Variants in MYOF observed in about 807,000 individuals in gnomAD.
The protein encoded by MYOF is fer-1-like 3, myoferlin.
Under a neutral mutation model 284.2 loss-of-function variants are expected in MYOF, and 244 were observed. The ratio of observed to expected loss-of-function variants is 0.86; its 90% CI spans 0.77 to 0.95. The LOEUF (loss-of-function observed/expected upper bound fraction) is 0.95. Among genes scored for constraint, MYOF ranks in the 40% least tolerant of loss-of-function variants. The pLI, the probability that MYOF is intolerant of heterozygous loss-of-function variation, is 0.00. For synonymous variants in MYOF, 904 were observed against 919.7 expected, an observed-to-expected ratio of 0.98 and a Z score of 0.31; for missense variants, 2,496 against 2,560.6, an observed-to-expected ratio of 0.97 and a Z score of 0.54.
chr10:93,441,997 A>AACACAC (rs34488205), intron 3 of MYOF, among the ~76,000 whole-genome samples: 10,912 of 132,886 alleles, frequency 0.082, 572 homozygotes, highest in African/African-American at 0.13. Flanking sequence ...CCTCAACCTG[A>AACACAC]ACACACACAC....
In MYOF at chr10:93,337,326, C is replaced by T. The variant is rs114957131; in HGVS notation, c.4437+489G>A. ...AACAGAAAGCTCAGAGCTAGTCAGCCGTGCCTAGCTCAGTCGCTTGTCTTC... is the reference window on the plus strand; with the variant it reads ...AACAGAAAGCTCAGAGCTAGTCAGCTGTGCCTAGCTCAGTCGCTTGTCTTC... On this transcript the variant is annotated intron_variant, in intron 40 of 53. Transcript: ENST00000359263. 7.7e-3 allele frequency among the ~76,000 whole-genome samples: 1,165 copies of T among 152,000 alleles called. 15 individuals carry two copies. Among genetic ancestry groups the T allele is most frequent in the African/African-American group, 0.027 (1,110 of 41,450 alleles).
rs747505668 is a variant in MYOF at position 93,387,850 on chromosome 10, G to T, written c.1645C>A (p.Pro549Thr). ...VELATFLEKT[P>T]PDKKLEPISN... ...ATGGGCTCAAGCTTTTTATCTGGTG[G>T]TGTCTTCTCAAGAAAAGTGGCTAAT... Residue 549 changes from proline (P) to threonine (T), a missense_variant, in exon 19 of 54, where the codon CCA becomes ACA. Transcript: ENST00000359263. 1.1e-5 allele frequency: 18 copies of T among 1,614,082 alleles called. No individual in the cohort carries two copies. Among genetic ancestry groups the T allele is most frequent in the Non-Finnish European group, 1.5e-5 (18 of 1,180,016 alleles).
chr10:93,439,023 C>A (rs1313059392), intron 3 of MYOF, among the ~76,000 whole-genome samples: 2 of 152,184 alleles, frequency 1.3e-5, no homozygotes, highest in East Asian at 3.8e-4. Flanking sequence ...GCACAAGTCT[C>A]GCCTCTACTT....
chr10:93,428,653 C>T (rs1848704242), intron 4 of MYOF, among the ~76,000 whole-genome samples: 1 of 151,718 alleles, frequency 6.6e-6, no homozygotes, highest in South Asian at 2.1e-4. Flanking sequence ...TCAGTGAATA[C>T]TCCCTCATAT....
intron 21 of MYOF, among the ~76,000 whole-genome samples, chr10:93,377,863 T>C (rs968785931): frequency 7.2e-5 from 11 of 152,300 alleles, no homozygotes; most frequent in African/African-American, 2.6e-4. Flanking sequence ...GTTAGAGACA[T>C]AGAAATACAG....
At chr10:93,310,666 A>T in intron 51 of MYOF, 23 bp from the exon 52 acceptor site, 1 of 1,603,572 alleles carries the variant, frequency 6.2e-7, no homozygotes, top group Non-Finnish European at 8.5e-7. Flanking sequence ...AGAGCAGGTT[A>T]AACATATGAC....
chr10:93,346,570 CTATT>C (rs1844192674), intron 37 of MYOF, among the ~76,000 whole-genome samples: 1 of 152,214 alleles, frequency 6.6e-6, no homozygotes. Context: ...GTATCACTAG[CTATT>C]ATTTATTATG....
intron 1 of MYOF, among the ~76,000 whole-genome samples, chr10:93,457,850 G>A (rs79947206): frequency 0.091 from 13,600 of 149,372 alleles, 714 homozygotes; most frequent in East Asian, 0.25. Flanking sequence ...CTCCCACCTC[G>A]GCGCCCCATG....
At chr10:93,379,343 A>G (rs1181217364) in intron 21 of MYOF, among the ~76,000 whole-genome samples, 1 of 151,890 alleles carries the variant, frequency 6.6e-6, no homozygotes, top group Non-Finnish European at 1.5e-5. Flanking sequence ...TTCCTGTTCC[A>G]CCCCACTCCT....
In MYOF at chr10:93,327,469, C is replaced by T. The variant is rs192670563; in HGVS notation, c.5131+1294G>A. Among the ~76,000 whole-genome samples, 292 of 152,174 alleles carry T rather than the reference C, an allele frequency of 1.9e-3. 1 individual carries two copies. The highest frequency in any genetic ancestry group is 2.4e-3 in the Non-Finnish European group (165 of 68,034). On this transcript the variant is annotated intron_variant, in intron 45 of 53. Transcript: ENST00000359263. ...TCGGCCAGAACTGTTCACCTGAGCC[C>T]GTCCTGAATTCCTGACCCCGCAAAA...
At chr10:93,417,240 A>G (rs1848171288) in intron 5 of MYOF, among the ~76,000 whole-genome samples, 1 of 137,436 alleles carries the variant, frequency 7.3e-6, no homozygotes, top group Admixed American at 7.2e-5. Flanking sequence ...TCCTTTCTGA[A>G]TATCAGTAAC....
At chr10:93,326,789 T>C (rs1478462398) in intron 45 of MYOF, among the ~76,000 whole-genome samples, 1 of 151,982 alleles carries the variant, frequency 6.6e-6, no homozygotes, top group Non-Finnish European at 1.5e-5. Context: ...CACACGCAGC[T>C]AATTTTTGTA....
At chr10:93,364,321 C>T (rs1303066918) in intron 26 of MYOF, among the ~76,000 whole-genome samples, 3 of 152,234 alleles carry the variant, frequency 2.0e-5, no homozygotes, top group African/African-American at 7.2e-5. Context: ...CAAGGTTGCT[C>T]CTTCTCAGTA....
At position 93,373,053 on chromosome 10, in the gene MYOF, C is replaced by T. The variant is rs1266074857; in HGVS notation, c.2334G>A (p.Trp778Ter). ...PQNSMPDIII[W>*]MIRGEKRLAY... is the part of the protein sequence containing the mutation. ...CCAGTCTCTTCTCTCCCCGGATCAT[C>T]CAGATGATGATGTCAGGCATGCTGT... The change falls in exon 24 of 54, where the codon TGG becomes TGA. Residue 778 changes from tryptophan (W) to a stop codon, truncating the protein, a stop_gained. Transcript: ENST00000359263. LOFTEE classifies it high-confidence loss of function. 1.2e-6 allele frequency: 2 copies of T among 1,614,154 alleles called. No homozygotes were observed. The highest frequency in any genetic ancestry group is 1.1e-5 in the South Asian group (1 of 91,086).
At chr10:93,415,487 AC>A (rs1848079306) in intron 5 of MYOF, among the ~76,000 whole-genome samples, 1 of 152,150 alleles carries the variant, frequency 6.6e-6, no homozygotes, top group African/African-American at 2.4e-5. Context: ...CAGTCAAATC[AC>A]TTTACCTTTC....
In MYOF at chr10:93,369,495, C is replaced by T. The variant is rs534001769; in HGVS notation, c.2589+150G>A. On this transcript the variant is annotated intron_variant, in intron 25 of 53. Coordinates refer to ENST00000359263, the MANE Select transcript of MYOF (RefSeq NM_013451.4). ...ATCTCAGGAGCATCTTCTCTTATCC[C>T]TTAGGTTAAGATCCCTTCGATGGGA... 5.5e-6 allele frequency: 6 copies of T among 1,081,532 alleles called. No homozygotes were observed. In the African/African-American group the frequency reaches 9.6e-5, roughly 17 times the overall value. 67.0% of individuals were successfully genotyped at this position (1,081,532 alleles called of 1,614,324 possible).
intron 45 of MYOF, among the ~76,000 whole-genome samples, chr10:93,328,352 A>G (rs1843146932): frequency 6.6e-6 from 1 of 152,190 alleles, no homozygotes; most frequent in South Asian, 2.1e-4. Flanking sequence ...ACATGAGCCA[A>G]ATGGGAACAT....
chr10:93,462,655 C>G (rs971945418), intron 1 of MYOF, among the ~76,000 whole-genome samples: 1 of 151,406 alleles, frequency 6.6e-6, no homozygotes, highest in African/African-American at 2.4e-5. Context: ...CAATCTCTTT[C>G]AAGAAGGAGG....
intron 1 of MYOF, chr10:93,478,126 A>AT: frequency 4.7e-6 from 1 of 210,932 alleles, no homozygotes; most frequent in Non-Finnish European, 8.9e-6. Context: ...TGCATTTTTA[A>AT]TTTTAGAAAT....
Sources: allele counts gnomAD v4.1 joint callset (sites outside exome capture counted in the v4.1 genomes callset), GRCh38; gene constraint gnomAD v4.1.1; transcripts MANE v1.5; gene names NCBI Gene and HGNC (gene_info 2026-07-23, HGNC 2026-07-21).